VPS33B: variants seen among roughly 807,000 people sequenced by gnomAD.
VPS33B encodes the protein VPS33B late endosome and lysosome associated, also known as vacuolar protein sorting-associated protein 33B.
Under a neutral mutation model 95.3 loss-of-function variants are expected in VPS33B, and 80 were observed. That is an observed-to-expected ratio of 0.84 (90% CI 0.70 to 1.01). VPS33B has a LOEUF of 1.01. VPS33B is among the 50% of genes least tolerant of loss of function. VPS33B has a pLI of 0.00. For missense variants in VPS33B, 715 were observed against 773.4 expected (o/e 0.92, Z 0.90); for synonymous variants, 280 against 280.4 (o/e 1.00, Z 0.01).
chr15:91,014,442 G>A lies in VPS33B; in HGVS notation c.240-9C>T, dbSNP rs781107857. 3.8e-5 allele frequency: 62 copies of A among 1,612,510 alleles called. No individual in the cohort carries two copies. In the African/African-American group the frequency reaches 7.6e-4, roughly 20 times the overall value. On this transcript the variant is annotated splice_polypyrimidine_tract_variant and intron_variant, in intron 3 of 22. Coordinates refer to ENST00000333371, the MANE Select transcript of VPS33B (RefSeq NM_018668.5). ...TGACCAAGAAGCACAATCTATGAGAGAGAAAGAAAAAAAAACAGTGAAGAA... is the reference window on the plus strand; with the variant it reads ...TGACCAAGAAGCACAATCTATGAGAAAGAAAGAAAAAAAAACAGTGAAGAA...
Position 91,011,948 on chromosome 15 carries a change from C to T in VPS33B, c.357+1856G>A, listed in dbSNP as rs1225047195. On this transcript the variant is annotated intron_variant, in intron 5 of 22. Transcript: ENST00000333371. This position sits in a 1 kb window ranked among gnomAD's most constrained non-coding sequence, Gnocchi z 5.5. ...AGGTTGCAGTGAGTCGAGATTGCGG[C>T]ACTGCACTCCAGTCTGGGTGACAGA... is the stretch of plus-strand genomic sequence containing the variant. Among the ~76,000 whole-genome samples, 1 of 151,936 alleles carries T rather than the reference C, an allele frequency of 6.6e-6. No individual in the cohort carries two copies. The highest frequency in any genetic ancestry group is 1.5e-5 in the Non-Finnish European group (1 of 68,018).
Position 91,013,816 on chromosome 15 carries a change from G to A in VPS33B, c.345C>T (p.Phe115=), listed in dbSNP as rs1210405117. The part of the protein sequence containing the change: ...AGRTRKYKVI[F]SPQKFYACEM... ...GATCCAAACTCACCTTTTGAGGGCT[G>A]AAGATCACTTTGTATTTGCGAGTTC... is the stretch of plus-strand genomic sequence containing the variant. The change falls in exon 5 of 23, where the codon TTC becomes TTT. Residue 115 remains phenylalanine, a synonymous_variant. Transcript: ENST00000333371. This position sits in a 1 kb window ranked among gnomAD's most constrained non-coding sequence, Gnocchi z 4.5. The A allele has an allele frequency of 1.9e-6, 3 of 1,614,024 alleles. No homozygotes were observed. In the Admixed American group the frequency reaches 5.0e-5, roughly 27 times the overall value.
At chr15:91,003,260 G>A in intron 16 of VPS33B, 129 bp from the exon 17 acceptor site, 3 of 932,412 alleles carry the variant, frequency 3.2e-6, no homozygotes, top group Middle Eastern at 2.2e-4. Context: ...ACCCTGCAGA[G>A]TATACATTTG....
rs12439887 is a variant in VPS33B at position 91,001,601 on chromosome 15, C to T, written c.1406-139G>A. 87,447 of 759,038 alleles carry T rather than the reference C, an allele frequency of 0.12. 9,770 individuals carry two copies. The highest frequency in any genetic ancestry group is 0.5 in the East Asian group (18,497 of 37,168). The allele number at this position is 759,038 out of a possible 1,614,324, so 47.0% of individuals were successfully genotyped here. A position where few individuals can be genotyped will look rare whatever the true frequency, so the allele number is the denominator to read the frequency against. On this transcript the variant is annotated intron_variant, in intron 18 of 22. Transcript: ENST00000333371. ...GCTGTTCAACTATAATTCCCTGGAA[C>T]TAATCAAGATATACTCCCCACCCTT...
Position 91,006,814 on chromosome 15 carries a change from A to G in VPS33B, c.701-85T>C. ...TCCAAGGGCAGCTTTGATACTTTCC[A>G]TAGGGCCAAGGACCCACGCTCCTCA... On this transcript the variant is annotated intron_variant, in intron 9 of 22. Transcript: ENST00000333371. The surrounding 1 kb of genome is among the most constrained non-coding windows in gnomAD (Gnocchi z 5.4). 6.3e-7 allele frequency: 1 copy of G among 1,594,914 alleles called. No individual in the cohort carries two copies. The highest frequency in any genetic ancestry group is 2.2e-5 in the East Asian group (1 of 44,780).
Position 91,007,013 on chromosome 15 carries a change from C to T in VPS33B, c.637G>A (p.Glu213Lys), listed in dbSNP as rs951699405. The change falls in exon 9 of 23, where the codon GAG becomes AAG. Residue 213 changes from glutamate to lysine, a missense_variant. Coordinates refer to ENST00000333371, the MANE Select transcript of VPS33B (RefSeq NM_018668.5). This position sits in a 1 kb window ranked among gnomAD's most constrained non-coding sequence, Gnocchi z 5.3. ...CGGCCCTTGGTTTCGCCATCCTCCT[C>T]CTCCTCCAGGTTCCTCCACAATTCA... ...AYELWRNLEE[E>K]EDGETKGRRP... 2.6e-5 allele frequency: 42 copies of T among 1,613,518 alleles called. No individual in the cohort carries two copies. The African/African-American group carries it at 4.0e-4, about 15-fold the overall frequency.
intron 16 of VPS33B, among the ~76,000 whole-genome samples, chr15:91,004,035 C>T (rs945101805): frequency 6.6e-6 from 1 of 151,954 alleles, no homozygotes; most frequent in Non-Finnish European, 1.5e-5. Context: ...ACCAGCCTGG[C>T]CAACATAACA....
At position 91,002,997 on chromosome 15, in the gene VPS33B, A is replaced by G; in HGVS notation, c.1272+88T>C. The G allele has an allele frequency of 2.8e-6, 4 of 1,440,446 alleles. No individual in the cohort carries two copies. In the South Asian group the frequency reaches 4.6e-5, roughly 16 times the overall value. 89.2% of individuals were successfully genotyped at this position (1,440,446 alleles called of 1,614,324 possible). On this transcript the variant is annotated intron_variant, in intron 17 of 22. Coordinates refer to ENST00000333371, the MANE Select transcript of VPS33B (RefSeq NM_018668.5). This position sits in a 1 kb window ranked among gnomAD's most constrained non-coding sequence, Gnocchi z 4.7. ...GAAACAGGAGGGTAATGGAGGCAGG[A>G]AAGGGGCCACTTCTCTTGCCTCTTT... is the stretch of plus-strand genomic sequence containing the variant.
In VPS33B at chr15:91,017,896, C is replaced by T. The variant is rs1192763129; in HGVS notation, c.97-11G>A. 2 of 1,613,786 alleles carry T rather than the reference C, an allele frequency of 1.2e-6. No homozygotes were observed. On this transcript the variant is annotated splice_polypyrimidine_tract_variant and intron_variant, in intron 1 of 22. Transcript: ENST00000333371. The stretch of plus-strand genomic sequence containing the variant: ...CTTTTTTCCAGGAAGCTGAAGGAGA[C>T]ACAATATGTTGGGTCACTCACAGGT...
At position 91,006,004 on chromosome 15, in the gene VPS33B, T is replaced by C. The variant is rs777246781; in HGVS notation, c.908A>G (p.Gln303Arg). 1 of 1,614,230 alleles carries C rather than the reference T, an allele frequency of 6.2e-7. No homozygotes were observed. Among genetic ancestry groups the C allele is most frequent in the South Asian group, 1.1e-5 (1 of 91,088 alleles). The stretch of plus-strand genomic sequence containing the variant: ...CTGGGCCTGCAAGTTCCGGGCCTTC[T>C]GGCTCAAGAAGCCAAAGACATTGGA... ...HFSNVFGFLS[Q>R]KARNLQAQYD... Residue 303 changes from glutamine (Q) to arginine (R), a missense_variant, in exon 12 of 23, where the codon CAG becomes CGG. Transcript: ENST00000333371. This position sits in a 1 kb window ranked among gnomAD's most constrained non-coding sequence, Gnocchi z 5.4.
At position 91,013,807 on chromosome 15, in the gene VPS33B, T is replaced by C. The variant is rs2040845930; in HGVS notation, c.354A>G (p.Gln118=). ...TRKYKVIFSP[Q]KFYACEMVLE... ...TTCCTCCAGGATCCAAACTCACCTT[T>C]TGAGGGCTGAAGATCACTTTGTATT... The change falls in exon 5 of 23, where the codon CAA becomes CAG. Residue 118 remains glutamine, a synonymous_variant. Coordinates refer to ENST00000333371, the MANE Select transcript of VPS33B (RefSeq NM_018668.5). This position sits in a 1 kb window ranked among gnomAD's most constrained non-coding sequence, Gnocchi z 4.5. The C allele has an allele frequency of 3.7e-6, 6 of 1,614,126 alleles. No individual in the cohort carries two copies. The highest frequency in any genetic ancestry group is 4.2e-6 in the Non-Finnish European group (5 of 1,180,012).
In VPS33B at chr15:91,007,564, G is replaced by C. The variant is rs139582205; in HGVS notation, c.508C>G (p.Gln170Glu). The C allele has an allele frequency of 5.6e-6, 9 of 1,614,082 alleles. No individual in the cohort carries two copies. Among genetic ancestry groups the C allele is most frequent in the Non-Finnish European group, 5.9e-6 (7 of 1,179,994 alleles). The change falls in exon 8 of 23, where the codon CAG (glutamine) becomes GAG (glutamate). Residue 170 changes from glutamine to glutamate, a missense_variant. Transcript: ENST00000333371. The surrounding 1 kb of genome is among the most constrained non-coding windows in gnomAD (Gnocchi z 5.3). ...TGAGCTACAGTGTTGATCCAACGCT[G>C]ATCTCCTTCCTGCAGGGACCACACA... ...FFRDYFLEGD[Q>E]RWINTVAQAL...
chr15:90,999,505 G>A lies in VPS33B; in HGVS notation c.1774+172C>T. ...GGCTAATTTTTGTATTTTTCGTAGAGATGGGGTTTCACCATGTTGGTCAGG... is the reference window on the plus strand; with the variant it reads ...GGCTAATTTTTGTATTTTTCGTAGAAATGGGGTTTCACCATGTTGGTCAGG... On this transcript the variant is annotated intron_variant, in intron 22 of 22. Transcript: ENST00000333371. This position sits in a 1 kb window ranked among gnomAD's most constrained non-coding sequence, Gnocchi z 5.1. 1 of 748,296 alleles carries A rather than the reference G, an allele frequency of 1.3e-6. No individual in the cohort carries two copies. Among genetic ancestry groups the A allele is most frequent in the Non-Finnish European group, 2.4e-6 (1 of 420,472 alleles). 46.4% of individuals were successfully genotyped at this position (748,296 alleles called of 1,614,324 possible).
In VPS33B at chr15:91,007,162, A is replaced by G; in HGVS notation, c.604-116T>C. The G allele has an allele frequency of 9.2e-7, 1 of 1,083,622 alleles. No homozygotes were observed. The highest frequency in any genetic ancestry group is 1.4e-6 in the Non-Finnish European group (1 of 715,138). 67.1% of individuals were successfully genotyped at this position (1,083,622 alleles called of 1,614,324 possible). A position where few individuals can be genotyped will look rare whatever the true frequency, so the allele number is the denominator to read the frequency against. On this transcript the variant is annotated intron_variant, in intron 8 of 22. Transcript: ENST00000333371. This position sits in a 1 kb window ranked among gnomAD's most constrained non-coding sequence, Gnocchi z 5.3. ...CCTCTTGTCCCCGAGACAGGAGCTA[A>G]TTATTCACAATATGGCCCTATCTAC... is the stretch of plus-strand genomic sequence containing the variant.
Position 91,009,736 on chromosome 15 carries a change from A to G in VPS33B, c.403+65T>C, listed in dbSNP as rs1024140817. ...TGGGGGTGGGGTGGGGGGGTTGGAG[A>G]ACAACAACAGTTTTTTCTTCTGTAT... On this transcript the variant is annotated intron_variant, in intron 6 of 22. Coordinates refer to ENST00000333371, the MANE Select transcript of VPS33B (RefSeq NM_018668.5). This position sits in a 1 kb window ranked among gnomAD's most constrained non-coding sequence, Gnocchi z 4.1. The G allele has an allele frequency of 2.4e-5, 38 of 1,588,932 alleles. No individual in the cohort carries two copies. Among genetic ancestry groups the G allele is most frequent in the Non-Finnish European group, 3.3e-5 (38 of 1,162,924 alleles).
Position 91,009,852 on chromosome 15 carries a change from A to C in VPS33B, c.358-6T>G. The C allele has an allele frequency of 6.2e-7, 1 of 1,614,150 alleles. No individual in the cohort carries two copies. The highest frequency in any genetic ancestry group is 1.3e-5 in the African/African-American group (1 of 75,040). ...ACCATCTCACACGCATAGAACTGAA[A>C]GAGAAAAGGAAATTGATTAGTAACT... is the stretch of plus-strand genomic sequence containing the variant. On this transcript the variant is annotated splice_polypyrimidine_tract_variant and splice_region_variant and intron_variant, in intron 5 of 22. Transcript: ENST00000333371. This position sits in a 1 kb window ranked among gnomAD's most constrained non-coding sequence, Gnocchi z 4.1.
At position 91,015,372 on chromosome 15, in the gene VPS33B, A is replaced by G. The variant is rs976497284; in HGVS notation, c.240-939T>C. ...AAATAAAATAAAATAATAATAAATA[A>G]TAATAGTAAAATAAAAGAACTATAA... On this transcript the variant is annotated intron_variant, in intron 3 of 22. Transcript: ENST00000333371. The surrounding 1 kb of genome is among the most constrained non-coding windows in gnomAD (Gnocchi z 4.7). 6.6e-6 allele frequency among the ~76,000 whole-genome samples: 1 copy of G among 151,074 alleles called. No homozygotes were observed. Among genetic ancestry groups the G allele is most frequent in the African/African-American group, 2.4e-5 (1 of 41,230 alleles).
In VPS33B at chr15:91,006,363, C is replaced by T. The variant is rs918899267; in HGVS notation, c.852+9G>A. On this transcript the variant is annotated intron_variant, in intron 11 of 22. Coordinates refer to ENST00000333371, the MANE Select transcript of VPS33B (RefSeq NM_018668.5). This position sits in a 1 kb window ranked among gnomAD's most constrained non-coding sequence, Gnocchi z 5.4. ...TAGGTGGGCCCATTGCTAGCACCCA[C>T]ACCCTCACCTTGTCCTCGGCATTGA... 6.2e-7 allele frequency: 1 copy of T among 1,614,160 alleles called. No individual in the cohort carries two copies. Among genetic ancestry groups the T allele is most frequent in the Middle Eastern group, 1.7e-4 (1 of 6,046 alleles).
intron 2 of VPS33B, among the ~76,000 whole-genome samples, chr15:91,017,394 AT>A (rs2040969381): frequency 1.1e-5 from 1 of 90,068 alleles, no homozygotes; most frequent in Non-Finnish European, 2.3e-5. Context: ...ATATATATAT[AT>A]ATATATATAT....
Sources: allele counts gnomAD v4.1 joint callset (sites outside exome capture counted in the v4.1 genomes callset), GRCh38; gene constraint gnomAD v4.1.1; non-coding constraint Gnocchi (gnomAD v3.1); transcripts MANE v1.5; gene names NCBI Gene and HGNC (gene_info 2026-07-23, HGNC 2026-07-21).